Variants in TRPM2 observed in about 807,000 individuals in gnomAD.
TRPM2 encodes the protein transient receptor potential cation channel subfamily M member 2.
Under a neutral mutation model 174.0 loss-of-function variants are expected in TRPM2, and 161 were observed. The ratio of observed to expected loss-of-function variants is 0.93; its 90% CI spans 0.81 to 1.05. The LOEUF (loss-of-function observed/expected upper bound fraction) is 1.05. Among genes scored for constraint, TRPM2 ranks in the 50% least tolerant of loss-of-function variants. The pLI, the probability that TRPM2 is intolerant of heterozygous loss-of-function variation, is 0.00. For missense variants in TRPM2, 2,057 were observed against 2,038.0 expected, an observed-to-expected ratio of 1.01 and a Z score of -0.18; for synonymous variants, 954 against 861.3, an observed-to-expected ratio of 1.11 and a Z score of -1.88.
Position 44,391,950 on chromosome 21 carries a change from CTTCTTT to C in TRPM2, c.1794+333_1794+338del, listed in dbSNP as rs1420928208. 6.6e-6 allele frequency among the ~76,000 whole-genome samples: 1 copy of C among 152,016 alleles called. No homozygotes were observed. Among genetic ancestry groups the C allele is most frequent in the East Asian group, 1.9e-4 (1 of 5,190 alleles). On this transcript the variant is annotated intron_variant, in intron 11 of 31. Transcript: ENST00000397928. This position sits in a 1 kb window ranked among gnomAD's most constrained non-coding sequence, Gnocchi z 5.0. ...AGAGAAGTCTCTGGTGCCACTTCCT[CTTCTTT>C]TTCTTTTATTTATTTTTTATTTTTT...
At position 44,427,090 on chromosome 21, in the gene TRPM2, C is replaced by T. The variant is rs781383768; in HGVS notation, c.3953C>T (p.Thr1318Ile). The T allele has an allele frequency of 7.5e-6, 12 of 1,600,340 alleles. No homozygotes were observed. The East Asian group carries it at 1.6e-4, about 21-fold the overall frequency. The part of the protein sequence containing the change: ...RDRRSFHGPY[T>I]VQAGLPLNPM... ...CGCCGGAGCTTCCACGGGCCGTACA[C>T]AGTGCAGGCCGGGTTGCCCCTGTGA... is the stretch of plus-strand genomic sequence containing the variant. Residue 1318 changes from threonine to isoleucine, a missense_variant, in exon 27 of 32, where the codon ACA becomes ATA. Thr to Ile is a moderately conservative substitution (Grantham distance 89). Transcript: ENST00000397928.
In TRPM2 at chr21:44,406,112, C is replaced by T. The variant is rs1330052763; in HGVS notation, c.2790+75C>T. On this transcript the variant is annotated intron_variant, in intron 18 of 31. Coordinates refer to ENST00000397928, the MANE Select transcript of TRPM2 (RefSeq NM_003307.4). ...GCCTCGGGGAGGGCAGGCCCCTTGC[C>T]AGTGGCTCGGACTGGGGCTTAAACA... 11 of 1,568,198 alleles carry T rather than the reference C, an allele frequency of 7.0e-6. No homozygotes were observed. The Admixed American group carries it at 1.4e-4, about 20-fold the overall frequency.
In TRPM2 at chr21:44,403,104, GCCA is replaced by G. The variant is rs1223542844; in HGVS notation, c.2538+1211_2538+1213del. On this transcript the variant is annotated intron_variant, in intron 16 of 31. Coordinates refer to ENST00000397928, the MANE Select transcript of TRPM2 (RefSeq NM_003307.4). ...GCTCTCCTCTTGCCACAGGGCTTCT[GCCA>G]CCAGACCCTCTCTACAAGGGGCCAG... is the stretch of plus-strand genomic sequence containing the variant. 5.9e-5 allele frequency among the ~76,000 whole-genome samples: 9 copies of G among 152,264 alleles called. No homozygotes were observed. The East Asian group carries it at 1.5e-3, about 26-fold the overall frequency.
At chr21:44,417,191 C>G (rs2847237) in intron 20 of TRPM2, among the ~76,000 whole-genome samples, 1 of 94,592 alleles carries the variant, frequency 1.1e-5, no homozygotes, top group South Asian at 4.3e-4. Context: ...ACAGTGGGCA[C>G]GTGGGCGTGG....
At chr21:44,424,246 CT>C (rs2050666094) in intron 23 of TRPM2, among the ~76,000 whole-genome samples, 1 of 152,204 alleles carries the variant, frequency 6.6e-6, no homozygotes, top group Non-Finnish European at 1.5e-5. Context: ...TGCTCCCAGC[CT>C]TGCTCTGTGG....
rs369552869 is a variant in TRPM2 at position 44,414,196 on chromosome 21, G to C, written c.3146+122G>C. The stretch of plus-strand genomic sequence containing the variant: ...GGATGATGGGCTGGTGCACAGAGGC[G>C]CGTCACTCATATCCTGGTGGAGTGT... On this transcript the variant is annotated intron_variant, in intron 20 of 31. Transcript: ENST00000397928. The C allele has an allele frequency of 2.1e-4, 264 of 1,274,180 alleles. 1 individual carries two copies. In the African/African-American group the frequency reaches 3.5e-3, roughly 17 times the overall value. 78.9% of individuals were successfully genotyped at this position (1,274,180 alleles called of 1,614,324 possible). A position where few individuals can be genotyped will look rare whatever the true frequency, so the allele number is the denominator to read the frequency against.
At chr21:44,373,374 A>G (rs1259378337) in intron 5 of TRPM2, among the ~76,000 whole-genome samples, 4 of 151,250 alleles carry the variant, frequency 2.6e-5, no homozygotes, top group Non-Finnish European at 4.5e-5. Context: ...TTTAGTAGAG[A>G]CAGGGTTTCT....
At position 44,410,507 on chromosome 21, in the gene TRPM2, G is replaced by A. The variant is rs567502291; in HGVS notation, c.2963-3384G>A. Among the ~76,000 whole-genome samples, 33 of 64,580 alleles carry A rather than the reference G, an allele frequency of 5.1e-4. 1 individual carries two copies. Among genetic ancestry groups the A allele is most frequent in the African/African-American group, 1.4e-3 (31 of 22,700 alleles). The allele number at this position is 64,580 out of a possible 152,430, so 42.4% of individuals were successfully genotyped here. On this transcript the variant is annotated intron_variant, in intron 19 of 31. Coordinates refer to ENST00000397928, the MANE Select transcript of TRPM2 (RefSeq NM_003307.4). ...TAAGTTTTGACCGCACTGTCTTGGC[G>A]TAGACTTGTAGTAAGTTTTGACCGC... is the stretch of plus-strand genomic sequence containing the variant.
chr21:44,386,766 A>G (rs1435081393), intron 9 of TRPM2, among the ~76,000 whole-genome samples: 3 of 151,608 alleles, frequency 2.0e-5, no homozygotes, highest in Admixed American at 1.3e-4. Flanking sequence ...ATTCATGTGG[A>G]GTCTAAAGGG....
rs113250729 is a variant in TRPM2, at chr21:44,364,027, G to A, written c.255-87G>A. 1.1e-4 allele frequency: 153 copies of A among 1,432,226 alleles called. 3 individuals are homozygous for A. The highest frequency in any genetic ancestry group is 1.7e-4 in the African/African-American group (12 of 70,088). 88.7% of individuals were successfully genotyped at this position (1,432,226 alleles called of 1,614,324 possible). ...TTTTTGCTGGGTGGGGGAAGGTTGC[G>A]GCTTTCCACTGGGCCTCCTCTGATG... On this transcript the variant is annotated intron_variant, in intron 2 of 31. Transcript: ENST00000397928.
rs1459704298 is a variant in TRPM2, at chr21:44,366,228, C to T, written c.424-526C>T. On this transcript the variant is annotated intron_variant, in intron 3 of 31. Transcript: ENST00000397928. The surrounding 1 kb of genome is among the most constrained non-coding windows in gnomAD (Gnocchi z 6.0). ...TGAGTCCCCAGGACGGGCCAGGGCA[C>T]AGGGGCCACAGAGCAGAGGGGATAG... Among the ~76,000 whole-genome samples the T allele has an allele frequency of 1.3e-5, 2 of 149,464 alleles. No individual in the cohort carries two copies. Among genetic ancestry groups the T allele is most frequent in the Non-Finnish European group, 3.0e-5 (2 of 67,766 alleles).
Position 44,376,682 on chromosome 21 carries a change from G to C in TRPM2, c.952+669G>C, listed in dbSNP as rs949182463. On this transcript the variant is annotated intron_variant, in intron 6 of 31. Coordinates refer to ENST00000397928, the MANE Select transcript of TRPM2 (RefSeq NM_003307.4). The surrounding 1 kb of genome is among the most constrained non-coding windows in gnomAD (Gnocchi z 4.2). ...GGGTTTGAGGACGTCGGGAGGTCAA[G>C]TGCGGGGTTTTGCATATCACTTGAG... Among the ~76,000 whole-genome samples, 4 of 152,214 alleles carry C rather than the reference G, an allele frequency of 2.6e-5. No homozygotes were observed. Among genetic ancestry groups the C allele is most frequent in the African/African-American group, 9.6e-5 (4 of 41,460 alleles).
chr21:44,351,006 C>G (rs2122996533), upstream of TRPM2, among the ~76,000 whole-genome samples: 25 of 152,204 alleles, frequency 1.6e-4, no homozygotes, highest in East Asian at 2.5e-3. Flanking sequence ...AGAAGATGCC[C>G]GAGCAACCTC....
rs1412100824 is a variant in TRPM2 at position 44,426,593 on chromosome 21, C to T, written c.3796-67C>T. 5 of 1,549,962 alleles carry T rather than the reference C, an allele frequency of 3.2e-6. No individual in the cohort carries two copies. In the East Asian group the frequency reaches 6.7e-5, roughly 21 times the overall value. ...AGACCCAGCTGAGCAGCCCTTTCAC[C>T]CTGGTGCCTGGCCCAGCTTTGCAGT... On this transcript the variant is annotated intron_variant, in intron 25 of 31. Coordinates refer to ENST00000397928, the MANE Select transcript of TRPM2 (RefSeq NM_003307.4).
intron 16 of TRPM2, 62 bp downstream of exon 16, chr21:44,401,959 T>C (rs1057270276): frequency 3.5e-5 from 55 of 1,583,442 alleles, no homozygotes; most frequent in African/African-American, 3.4e-4. Context: ...TGCATTCTCA[T>C]AGGGGACCCA....
At chr21:44,382,198 G>C (rs967032960) in intron 8 of TRPM2, among the ~76,000 whole-genome samples, 1 of 152,120 alleles carries the variant, frequency 6.6e-6, no homozygotes, top group African/African-American at 2.4e-5. Flanking sequence ...TATATACATA[G>C]ATGAAACACA....
intron 5 of TRPM2, among the ~76,000 whole-genome samples, chr21:44,372,357 A>G (rs2048566524): frequency 6.6e-6 from 1 of 152,076 alleles, no homozygotes; most frequent in Non-Finnish European, 1.5e-5. Context: ...TTAGCCGGGC[A>G]TGGTGGTAGG....
Position 44,367,562 on chromosome 21 carries a change from G to A in TRPM2, c.604+628G>A, listed in dbSNP as rs1309656173. On this transcript the variant is annotated intron_variant, in intron 4 of 31. Transcript: ENST00000397928. The surrounding 1 kb of genome is among the most constrained non-coding windows in gnomAD (Gnocchi z 4.6). ...CCCAGGTGCCGTGACCTGGTGCCCC[G>A]CCCCACCCTAATTCCATGGGGAGGG... 5.9e-5 allele frequency among the ~76,000 whole-genome samples: 9 copies of A among 152,140 alleles called. No homozygotes were observed. Among genetic ancestry groups the A allele is most frequent in the Non-Finnish European group, 1.3e-4 (9 of 68,006 alleles).
Position 44,406,537 on chromosome 21 carries a change from G to A in TRPM2, c.2791-57G>A. On this transcript the variant is annotated intron_variant, in intron 18 of 31. Transcript: ENST00000397928. ...TCCACCGCTGCTGGGCCTGCCTCTG[G>A]GCCCAGTGAGCATCGGGGGCCAGGA... The A allele has an allele frequency of 5.8e-6, 9 of 1,547,670 alleles. 1 individual carries two copies. In the South Asian group the frequency reaches 7.1e-5, roughly 12 times the overall value.
Sources: gnomAD v4.1 joint callset for allele counts (sites outside exome capture counted in the v4.1 genomes callset) on GRCh38, gnomAD v4.1.1 for gene constraint, Gnocchi (gnomAD v3.1) non-coding constraint, MANE v1.5 for transcripts, NCBI Gene and HGNC (gene_info 2026-07-23, HGNC 2026-07-21) for gene names.